The following APBB1IP variants were observed in gnomAD, a reference collection of about 807,000 sequenced individuals.
APBB1IP encodes amyloid beta A4 precursor protein-binding family B member 1-interacting protein.
Under a neutral mutation model 64.9 loss-of-function variants are expected in APBB1IP, and 27 were observed. That is an observed-to-expected ratio of 0.42 (90% CI 0.31 to 0.57). APBB1IP has a LOEUF of 0.57. Among genes scored for constraint, APBB1IP ranks in the 20% least tolerant of loss-of-function variants. The pLI is 0.20. For synonymous variants in APBB1IP, 392 were observed against 331.0 expected, an observed-to-expected ratio of 1.18 and a Z score of -2.00; for missense variants, 812 against 845.5, an observed-to-expected ratio of 0.96 and a Z score of 0.49.
rs1024493265 is a variant in APBB1IP, at chr10:26,560,791, G to A, written c.1316G>A (p.Arg439Gln). ...RAVAKAGLASRWTNLGTVNAA... is the reference protein window; with the variant it reads ...RAVAKAGLASQWTNLGTVNAA... ...GTGGCAAAGGCTGGACTTGCCTCTC[G>A]GTGGACAAACTTGGGGACAGTCAAT... Residue 439 changes from arginine to glutamine, a missense_variant, in exon 13 of 15, where the codon CGG becomes CAG. This residue lies in a region of APBB1IP where 381 missense variants were observed against 352.1 expected (regional missense o/e 1.08). Transcript: ENST00000376236. The A allele has an allele frequency of 6.8e-6, 11 of 1,609,530 alleles. No individual in the cohort carries two copies. The highest frequency in any genetic ancestry group is 2.7e-5 in the African/African-American group (2 of 74,498).
At chr10:26,464,311 T>A (rs866490572) in intron 2 of APBB1IP, among the ~76,000 whole-genome samples, 1 of 152,220 alleles carries the variant, frequency 6.6e-6, no homozygotes, top group Non-Finnish European at 1.5e-5. Context: ...ACATTTTAAA[T>A]GTATTAATAC....
chr10:26,491,691 T>A (rs1310303706), intron 2 of APBB1IP, among the ~76,000 whole-genome samples: 1 of 151,812 alleles, frequency 6.6e-6, no homozygotes, highest in Non-Finnish European at 1.5e-5. Context: ...ATTTCAGAAA[T>A]ATCTTTTGAA....
chr10:26,537,327 A>G (rs1621334), intron 10 of APBB1IP, among the ~76,000 whole-genome samples: 70,040 of 151,834 alleles, frequency 0.46, 16,598 homozygotes, highest in East Asian at 0.62. Context: ...AGCCGATGAA[A>G]TTATGGTGAA....
chr10:26,526,217 G>C (rs1359516341), intron 8 of APBB1IP, among the ~76,000 whole-genome samples: 1 of 152,098 alleles, frequency 6.6e-6, no homozygotes, highest in African/African-American at 2.4e-5. Context: ...ATTGCTAGAA[G>C]CCCTAAGAAT....
intron 2 of APBB1IP, among the ~76,000 whole-genome samples, chr10:26,458,177 C>T (rs1017594846): frequency 1.3e-5 from 2 of 152,162 alleles, no homozygotes; most frequent in Admixed American, 6.5e-5. Context: ...CACTTGAGGT[C>T]AGGAGTTTGA....
At chr10:26,450,690 CTTT>C (rs10685344) in intron 2 of APBB1IP, among the ~76,000 whole-genome samples, 3 of 138,880 alleles carry the variant, frequency 2.2e-5, no homozygotes, top group African/African-American at 5.4e-5. Flanking sequence ...AACTCAGATT[CTTT>C]TTTTTTTTTT....
intron 3 of APBB1IP, among the ~76,000 whole-genome samples, chr10:26,494,479 A>G (rs566656315): frequency 7.3e-4 from 111 of 152,370 alleles, no homozygotes; most frequent in African/African-American, 2.7e-3. Context: ...AGCTTTCTAA[A>G]AAAAATAAAT....
chr10:26,455,975 T>G (rs1270931777), intron 2 of APBB1IP, among the ~76,000 whole-genome samples: 3 of 152,184 alleles, frequency 2.0e-5, no homozygotes, highest in Non-Finnish European at 4.4e-5. Flanking sequence ...TTGAACACAT[T>G]AAGTGAAAGA....
At chr10:26,520,541 T>A (rs995663657) in intron 8 of APBB1IP, among the ~76,000 whole-genome samples, 7 of 152,200 alleles carry the variant, frequency 4.6e-5, no homozygotes, top group African/African-American at 1.4e-4. Context: ...GGATAGTGCC[T>A]GGGAGAGGCA....
chr10:26,519,652 G>A (rs1236971511), intron 8 of APBB1IP, among the ~76,000 whole-genome samples: 2 of 152,126 alleles, frequency 1.3e-5, no homozygotes, highest in African/African-American at 2.4e-5. Flanking sequence ...TAACATAGCG[G>A]GAAGCAGAAA....
At chr10:26,493,542 G>T (rs187123627) in intron 3 of APBB1IP, among the ~76,000 whole-genome samples, 4 of 152,306 alleles carry the variant, frequency 2.6e-5, no homozygotes, top group African/African-American at 9.6e-5. Context: ...GCTTCAGCCG[G>T]TCCCTCCATT....
chr10:26,537,567 A>C (rs555866311), intron 10 of APBB1IP, among the ~76,000 whole-genome samples: 1 of 152,324 alleles, frequency 6.6e-6, no homozygotes, highest in South Asian at 2.1e-4. Context: ...TTTATGTCTT[A>C]GGCATTTGAA....
At chr10:26,544,992 C>A (rs1392398089) in intron 11 of APBB1IP, among the ~76,000 whole-genome samples, 1 of 152,176 alleles carries the variant, frequency 6.6e-6, no homozygotes, top group Non-Finnish European at 1.5e-5. Context: ...GCAACCCTTG[C>A]AGAATGTGTA....
chr10:26,565,547 A>C (rs1837030873), intron 14 of APBB1IP, among the ~76,000 whole-genome samples: 2 of 152,206 alleles, frequency 1.3e-5, no homozygotes, highest in Non-Finnish European at 2.9e-5. Flanking sequence ...TCTAAATACG[A>C]TCTAAACACC....
intron 6 of APBB1IP, among the ~76,000 whole-genome samples, chr10:26,510,732 T>A (rs1836241145): frequency 9.1e-6 from 1 of 109,364 alleles, no homozygotes; most frequent in African/African-American, 3.3e-5. Flanking sequence ...CAAGACCCTG[T>A]CTCACACACA....
intron 2 of APBB1IP, among the ~76,000 whole-genome samples, chr10:26,489,231 T>C (rs1180011159): frequency 2.0e-5 from 3 of 152,156 alleles, no homozygotes; most frequent in African/African-American, 7.2e-5. Flanking sequence ...CTCAGGGTAG[T>C]TTTTGTGTTT....
At chr10:26,443,705 A>G (rs1471167626) in intron 2 of APBB1IP, among the ~76,000 whole-genome samples, 1 of 57,500 alleles carries the variant, frequency 1.7e-5, no homozygotes, top group East Asian at 6.1e-4. Flanking sequence ...CAGCTAATTA[A>G]AAAAAAAATT....
intron 2 of APBB1IP, among the ~76,000 whole-genome samples, chr10:26,451,942 C>T (rs748342967): frequency 1.3e-5 from 2 of 152,118 alleles, no homozygotes; most frequent in Non-Finnish European, 2.9e-5. Context: ...ATCAACACTT[C>T]CTTTCAAAAC....
At chr10:26,495,300 A>G (rs1836007401) in intron 3 of APBB1IP, among the ~76,000 whole-genome samples, 1 of 151,730 alleles carries the variant, frequency 6.6e-6, no homozygotes, top group African/African-American at 2.4e-5. Context: ...GCCAATGGCA[A>G]CCACATTTCT....
Sources: allele counts gnomAD v4.1 joint callset (sites outside exome capture counted in the v4.1 genomes callset), GRCh38; gene constraint gnomAD v4.1.1; regional missense constraint gnomAD v4.1.1; transcripts MANE v1.5; gene names NCBI Gene and HGNC (gene_info 2026-07-23, HGNC 2026-07-21).